Variants in ARB2A observed in about 807,000 individuals in gnomAD.
ARB2A encodes cotranscriptional regulator ARB2A.
chr5:93,757,510 A>C, the ARB2A span, among the ~76,000 whole-genome samples: 3 of 152,238 alleles, frequency 2.0e-5, no homozygotes, highest in African/African-American at 7.2e-5. Context: ...AGAAAAACCT[A>C]TCAGATTAAC....
chr5:93,618,013 CTA>C, the ARB2A span: 1 of 152,082 alleles, frequency 6.6e-6, no homozygotes, highest in Non-Finnish European at 1.5e-5. Context: ...TAAAAAATCT[CTA>C]TGCAATTGGT....
At chr5:94,065,278 C>T in the ARB2A span, among the ~76,000 whole-genome samples, 50 of 152,296 alleles carry the variant, frequency 3.3e-4, no homozygotes, top group Middle Eastern at 3.4e-3. Context: ...CTTTGGGGGG[C>T]TGAGGCAGGC....
chr5:93,859,665 A>G, the ARB2A span, among the ~76,000 whole-genome samples: 1 of 152,228 alleles, frequency 6.6e-6, no homozygotes, highest in African/African-American at 2.4e-5. Flanking sequence ...TAAATAGGCA[A>G]TTCACAGATG....
At chr5:93,830,986 G>A in the ARB2A span, among the ~76,000 whole-genome samples, 212 of 152,208 alleles carry the variant, frequency 1.4e-3, 1 homozygote, top group African/African-American at 4.2e-3. Flanking sequence ...CATAAGGAGC[G>A]CACAACCTAG....
chr5:94,074,728 T>A, the ARB2A span: 1 of 1,612,714 alleles, frequency 6.2e-7, no homozygotes, highest in Non-Finnish European at 8.5e-7. Flanking sequence ...GCAACAAAAT[T>A]AAAGAGCTCA....
the ARB2A span, among the ~76,000 whole-genome samples, chr5:93,665,753 C>T: frequency 1.3e-5 from 2 of 152,154 alleles, no homozygotes; most frequent in African/African-American, 2.4e-5. Context: ...ACAATTCTAA[C>T]GCTGTCACTG....
chr5:94,086,974 C>T, the ARB2A span, among the ~76,000 whole-genome samples: 20 of 152,142 alleles, frequency 1.3e-4, no homozygotes, highest in Non-Finnish European at 2.8e-4. Context: ...CAGAAGAAGG[C>T]ATTGTTATCA....
chr5:94,013,084 G>A, the ARB2A span, among the ~76,000 whole-genome samples: 25 of 151,310 alleles, frequency 1.7e-4, no homozygotes, highest in African/African-American at 5.1e-4. Context: ...AAGCAAACTC[G>A]TTTTGCAGAA....
At chr5:93,940,655 C>T in the ARB2A span, among the ~76,000 whole-genome samples, 304 of 151,988 alleles carry the variant, frequency 2.0e-3, no homozygotes, top group African/African-American at 7.0e-3. Flanking sequence ...TTCCTATGGA[C>T]GCTATTATTT....
At chr5:94,087,434 AAAGT>A in the ARB2A span, among the ~76,000 whole-genome samples, 1 of 152,350 alleles carries the variant, frequency 6.6e-6, no homozygotes, top group Non-Finnish European at 1.5e-5. Flanking sequence ...AAAATTTATA[AAAGT>A]AAGAAAGTTA....
the ARB2A span, chr5:94,074,566 G>T: frequency 1.9e-6 from 2 of 1,057,854 alleles, no homozygotes; most frequent in South Asian, 1.5e-5. Flanking sequence ...GATTTGAAAT[G>T]AATGGAAGGT....
At chr5:93,873,783 C>T in the ARB2A span, among the ~76,000 whole-genome samples, 2 of 152,204 alleles carry the variant, frequency 1.3e-5, no homozygotes, top group South Asian at 2.1e-4. Context: ...CTAGAGTTAA[C>T]ATTCTTAGTT....
chr5:93,831,648 A>T, the ARB2A span, among the ~76,000 whole-genome samples: 1 of 152,212 alleles, frequency 6.6e-6, no homozygotes, highest in African/African-American at 2.4e-5. Context: ...AGAATGAATC[A>T]TCATAAAAGA....
the ARB2A span, chr5:93,736,042 AG>A: frequency 6.6e-6 from 1 of 152,198 alleles, no homozygotes; most frequent in Non-Finnish European, 1.5e-5. Flanking sequence ...AGGATAAAAA[AG>A]CTGTAGTGTG....
chr5:93,740,948 G>C, the ARB2A span: 1 of 1,613,942 alleles, frequency 6.2e-7, no homozygotes, highest in Non-Finnish European at 8.5e-7. Flanking sequence ...GACTGTTGCA[G>C]GATCATCTCC....
At chr5:93,999,205 G>A in the ARB2A span, among the ~76,000 whole-genome samples, 1 of 151,638 alleles carries the variant, frequency 6.6e-6, no homozygotes, top group African/African-American at 2.4e-5. Flanking sequence ...AAATGGCTGG[G>A]GTGGTAGCTC....
chr5:93,710,404 C>A, the ARB2A span, among the ~76,000 whole-genome samples: 1 of 152,162 alleles, frequency 6.6e-6, no homozygotes, highest in African/African-American at 2.4e-5. Context: ...CCAACTCCTG[C>A]CCTTCTGCTA....
the ARB2A span, chr5:93,737,974 C>G: frequency 2.8e-5 from 12 of 429,836 alleles, no homozygotes; most frequent in East Asian, 8.6e-4. Flanking sequence ...ATAAGCTGGA[C>G]TTAATAAAAA....
the ARB2A span, among the ~76,000 whole-genome samples, chr5:93,905,493 G>A: frequency 9.9e-5 from 15 of 151,498 alleles, no homozygotes; most frequent in African/African-American, 3.4e-4. Flanking sequence ...AAAAATCTAA[G>A]CATTGCTTAA....
Sources: gnomAD v4.1 joint callset for allele counts (sites outside exome capture counted in the v4.1 genomes callset) on GRCh38, gnomAD v4.1.1 for gene constraint, MANE v1.5 for transcripts, NCBI Gene and HGNC (gene_info 2026-07-23, HGNC 2026-07-21) for gene names.